BCL7C: variants seen among roughly 807,000 people sequenced by gnomAD.
The protein encoded by BCL7C is BAF chromatin remodeling complex subunit BCL7C.
In BCL7C, 8 loss-of-function variants were observed where a neutral mutation model predicts 26.2. That is an observed-to-expected ratio of 0.30 (90% CI 0.18 to 0.55). The LOEUF is 0.55. Among genes scored for constraint, BCL7C ranks in the 20% least tolerant of loss-of-function variants. The pLI, the probability that BCL7C is intolerant of heterozygous loss-of-function variation, is 0.93. For missense variants in BCL7C, 262 were observed against 298.5 expected, an observed-to-expected ratio of 0.88 and a Z score of 0.90; for synonymous variants, 90 against 116.5, an observed-to-expected ratio of 0.77 and a Z score of 1.47.
chr16:30,888,658 A>G (rs190697565), intron 5 of BCL7C: 7 of 475,968 alleles, frequency 1.5e-5, no homozygotes, highest in East Asian at 3.8e-5. Context: ...AATGGTCTCA[A>G]TCAGCCCTGA....
In BCL7C at chr16:30,861,494, G is replaced by A. The variant is rs539541443; in HGVS notation, c.529-26346C>T. Among the ~76,000 whole-genome samples, 3 of 152,306 alleles carry A rather than the reference G, an allele frequency of 2.0e-5. 1 individual carries two copies. The highest frequency in any genetic ancestry group is 1.3e-4 in the Admixed American group (2 of 15,304). On this transcript the variant is annotated intron_variant, in intron 5 of 5. Transcript: ENST00000380317. ...CACAGCCCGGGATTCCTCCTAAGCC[G>A]TGTCCCATCTGTGTGGGATCCTACT...
At chr16:30,852,923 C>A (rs756330114) in intron 5 of BCL7C, among the ~76,000 whole-genome samples, 35 of 149,140 alleles carry the variant, frequency 2.3e-4, no homozygotes, top group Non-Finnish European at 1.3e-4. Flanking sequence ...ATTCCAGAAG[C>A]TTTTTCTATT....
At chr16:30,873,998 CTT>C (rs761712229) in intron 5 of BCL7C, among the ~76,000 whole-genome samples, 14 of 108,614 alleles carry the variant, frequency 1.3e-4, no homozygotes, top group Non-Finnish European at 1.1e-4. Flanking sequence ...GGTGTCAAAC[CTT>C]TTTTTTTTTT....
chr16:30,839,383 C>A (rs147149142), intron 5 of BCL7C, among the ~76,000 whole-genome samples: 2 of 152,264 alleles, frequency 1.3e-5, no homozygotes, highest in African/African-American at 4.8e-5. Context: ...ATAGATGCTC[C>A]CCTCAAGATT....
intron 5 of BCL7C, among the ~76,000 whole-genome samples, chr16:30,842,099 G>A (rs2054606398): frequency 6.6e-6 from 1 of 151,888 alleles, no homozygotes; most frequent in African/African-American, 2.4e-5. Context: ...CAAGGTCCGT[G>A]CAGGTTACAG....
At chr16:30,889,852 G>A (rs1250236950) in intron 4 of BCL7C, among the ~76,000 whole-genome samples, 2 of 150,136 alleles carry the variant, frequency 1.3e-5, no homozygotes, top group Non-Finnish European at 3.0e-5. Context: ...ACTGAGCCCA[G>A]GAATCCAAGG....
intron 4 of BCL7C, 82 bp downstream of exon 4, chr16:30,892,504 G>T (rs1050538844): frequency 3.0e-5 from 42 of 1,418,538 alleles, no homozygotes; most frequent in Non-Finnish European, 3.8e-5. Context: ...ACGGGGAGCA[G>T]GTATAGGGAT....
downstream of BCL7C, among the ~76,000 whole-genome samples, chr16:30,884,492 GTTTTTTT>G (rs71149066): frequency 5.8e-4 from 57 of 98,254 alleles, 1 homozygote; most frequent in Admixed American, 8.6e-4. Context: ...ATCTCCATTT[GTTTTTTT>G]TTTTTTTTTT....
At chr16:30,835,702 T>C (rs943763921) in intron 5 of BCL7C, among the ~76,000 whole-genome samples, 3 of 150,724 alleles carry the variant, frequency 2.0e-5, no homozygotes, top group Admixed American at 1.3e-4. Flanking sequence ...AAAAATTAGC[T>C]GGGCATGGTG....
Position 30,893,087 on chromosome 16 carries a change from A to G in BCL7C, c.171+125T>C. On this transcript the variant is annotated intron_variant, in intron 2 of 5. Coordinates refer to ENST00000215115, the MANE Select transcript of BCL7C (RefSeq NM_004765.4). This position sits in a 1 kb window ranked among gnomAD's most constrained non-coding sequence, Gnocchi z 5.2. ...GAGGGCAAAAGGGGAGGAGCTGCTA[A>G]TGATGGTTCCCGTCTGTCCTGCTGC... The G allele has an allele frequency of 8.1e-7, 1 of 1,241,828 alleles. No homozygotes were observed. The allele number at this position is 1,241,828 out of a possible 1,614,324, so 76.9% of individuals were successfully genotyped here.
exon 6 of BCL7C, chr16:30,833,932 C>T (rs1195795933): frequency 6.6e-6 from 1 of 152,216 alleles, no homozygotes; most frequent in African/African-American, 2.4e-5. Context: ...TGGGCAGGTT[C>T]CTTAACCTCT....
At chr16:30,879,989 CAA>C (rs140370364) in intron 5 of BCL7C, among the ~76,000 whole-genome samples, 11 of 139,810 alleles carry the variant, frequency 7.9e-5, no homozygotes, top group East Asian at 2.1e-4. Context: ...GATTCCGTCT[CAA>C]AAAAAAAAAA....
chr16:30,869,142 C>A (rs981591406), intron 5 of BCL7C, among the ~76,000 whole-genome samples: 2 of 152,158 alleles, frequency 1.3e-5, no homozygotes, highest in African/African-American at 4.8e-5. Flanking sequence ...GGGCCAGAGT[C>A]GTAGTTCCAG....
intron 5 of BCL7C, among the ~76,000 whole-genome samples, chr16:30,877,169 ACCCCCTAC>A (rs1274825990): frequency 1.3e-5 from 2 of 151,866 alleles, no homozygotes; most frequent in Admixed American, 6.6e-5. Flanking sequence ...AGTGTTCTGC[ACCCCCTAC>A]CCCCCTACCC....
Position 30,893,336 on chromosome 16 carries a change from C to T in BCL7C, c.93-46G>A. ...GGGTCAGAGAGGCCTGAGGGGAGAC[C>T]CACCCCCCTAGGAGCTGGACACATC... On this transcript the variant is annotated intron_variant, in intron 1 of 5. Transcript: ENST00000215115. This position sits in a 1 kb window ranked among gnomAD's most constrained non-coding sequence, Gnocchi z 5.2. The T allele has an allele frequency of 1.3e-6, 2 of 1,533,462 alleles. No individual in the cohort carries two copies. The highest frequency in any genetic ancestry group is 1.8e-6 in the Non-Finnish European group (2 of 1,115,414). The allele number at this position is 1,533,462 out of a possible 1,614,324, so 95.0% of individuals were successfully genotyped here.
At position 30,868,294 on chromosome 16, in the gene BCL7C, A is replaced by AT. The variant is rs542877918; in HGVS notation, c.528+20565dup. 7.6e-3 allele frequency among the ~76,000 whole-genome samples: 1,026 copies of AT among 134,192 alleles called. 12 individuals are homozygous for AT. The highest frequency in any genetic ancestry group is 0.022 in the African/African-American group (818 of 36,722). The allele number at this position is 134,192 out of a possible 152,430, so 88.0% of individuals were successfully genotyped here. A position where few individuals can be genotyped will look rare whatever the true frequency, so the allele number is the denominator to read the frequency against. On this transcript the variant is annotated intron_variant, in intron 5 of 5. Coordinates refer to the BCL7C transcript ENST00000380317. ...AGGCGTGTACCACCCGACCCGGCTA[A>AT]TTTTTTTTTTTTTTTTGTATTTTTA...
At position 30,893,401 on chromosome 16, in the gene BCL7C, G is replaced by T; in HGVS notation, c.93-111C>A. On this transcript the variant is annotated intron_variant, in intron 1 of 5. Transcript: ENST00000215115. The surrounding 1 kb of genome is among the most constrained non-coding windows in gnomAD (Gnocchi z 5.2). ...GAGGTTGAGGAGGCACAGGAGGATA[G>T]CAACAGTTTTGCTAATGGGGCATAG... 1 of 785,864 alleles carries T rather than the reference G, an allele frequency of 1.3e-6. No individual in the cohort carries two copies. Among genetic ancestry groups the T allele is most frequent in the Non-Finnish European group, 2.0e-6 (1 of 490,696 alleles). 48.7% of individuals were successfully genotyped at this position (785,864 alleles called of 1,614,324 possible). A position where few individuals can be genotyped will look rare whatever the true frequency, so the allele number is the denominator to read the frequency against.
chr16:30,889,215 G>A (rs1280940982), intron 4 of BCL7C, among the ~76,000 whole-genome samples: 1 of 152,194 alleles, frequency 6.6e-6, no homozygotes, highest in African/African-American at 2.4e-5. Flanking sequence ...GGCTTGGACT[G>A]CCTGGGTTCA....
downstream of BCL7C, among the ~76,000 whole-genome samples, chr16:30,886,690 G>T (rs2055137586): frequency 6.6e-6 from 1 of 152,114 alleles, no homozygotes; most frequent in Non-Finnish European, 1.5e-5. Context: ...GCTCAAAAAA[G>T]GGGAAACTCA....
Sources: gnomAD v4.1 joint callset for allele counts (sites outside exome capture counted in the v4.1 genomes callset) on GRCh38, gnomAD v4.1.1 for gene constraint, Gnocchi (gnomAD v3.1) non-coding constraint, MANE v1.5 for transcripts, NCBI Gene and HGNC (gene_info 2026-07-23, HGNC 2026-07-21) for gene names.